The following TSHZ2 variants were observed in gnomAD, a reference collection of about 807,000 sequenced individuals.
TSHZ2 encodes teashirt homolog 2.
In TSHZ2, 21 loss-of-function variants were observed where a neutral mutation model predicts 74.4. The ratio of observed to expected loss-of-function variants is 0.28; its 90% CI spans 0.20 to 0.41. The LOEUF (loss-of-function observed/expected upper bound fraction) is 0.41, where lower values mean the gene tolerates loss of function less well. TSHZ2 is among the 10% of genes least tolerant of loss of function. The probability of loss-of-function intolerance (pLI) is 1.00; values close to 1 mark genes in which losing one functional copy is unlikely to be tolerated. For synonymous variants in TSHZ2, 540 were observed against 515.3 expected (o/e 1.05, Z -0.65); for missense variants, 1,244 against 1,293.5 (o/e 0.96, Z 0.59).
chr20:53,060,167 A>G (rs958300111), intron 1 of TSHZ2, among the ~76,000 whole-genome samples: 1 of 152,166 alleles, frequency 6.6e-6, no homozygotes. Flanking sequence ...TTGATTCTAC[A>G]TTTATACGGC....
intron 1 of TSHZ2, among the ~76,000 whole-genome samples, chr20:53,195,435 G>A (rs544547335): frequency 6.6e-6 from 1 of 152,262 alleles, no homozygotes; most frequent in African/African-American, 2.4e-5. Context: ...GGTAAATAAA[G>A]TGAAGGTTTG....
At chr20:53,367,166 TG>T (rs1164982489) in intron 2 of TSHZ2, among the ~76,000 whole-genome samples, 1 of 151,566 alleles carries the variant, frequency 6.6e-6, no homozygotes, top group Non-Finnish European at 1.5e-5. Flanking sequence ...GAGGCTGAGG[TG>T]AGCGGATCAC....
rs138065028 is a variant in TSHZ2, at chr20:53,090,781, A to G, written c.40+117448A>G. ...TTCATCGAGCCTCTGGTTTGAGGTAATAAGTCACTAATGCTGTGTGTGCAC... is the reference window on the plus strand; with the variant it reads ...TTCATCGAGCCTCTGGTTTGAGGTAGTAAGTCACTAATGCTGTGTGTGCAC... On this transcript the variant is annotated intron_variant, in intron 1 of 2. Coordinates refer to ENST00000371497, the MANE Select transcript of TSHZ2 (RefSeq NM_173485.6). Among the ~76,000 whole-genome samples, 633 of 152,322 alleles carry G rather than the reference A, an allele frequency of 4.2e-3. 3 individuals are homozygous for G. The highest frequency in any genetic ancestry group is 5.3e-3 in the Non-Finnish European group (358 of 68,020).
chr20:53,289,925 A>G (rs560393605), intron 2 of TSHZ2, among the ~76,000 whole-genome samples: 6 of 152,350 alleles, frequency 3.9e-5, no homozygotes, highest in African/African-American at 1.4e-4. Flanking sequence ...CATTTTCTAC[A>G]TTGCTATTAT....
intron 1 of TSHZ2, among the ~76,000 whole-genome samples, chr20:53,181,020 A>T (rs954450273): frequency 3.9e-5 from 6 of 151,946 alleles, no homozygotes; most frequent in Non-Finnish European, 8.8e-5. Flanking sequence ...CCTCCCCTTC[A>T]TTGAGTGTAC....
intron 1 of TSHZ2, among the ~76,000 whole-genome samples, chr20:53,119,783 A>G (rs1464434523): frequency 6.6e-6 from 1 of 152,138 alleles, no homozygotes. Flanking sequence ...TTCACTTTAT[A>G]TTTCCATTGA....
intron 2 of TSHZ2, among the ~76,000 whole-genome samples, chr20:53,433,576 GACACACAGAC>G (rs1308050343): frequency 3.7e-3 from 283 of 76,766 alleles, no homozygotes; most frequent in South Asian, 6.6e-3. Flanking sequence ...CAGACACACA[GACACACAGAC>G]ACACACACAC....
At chr20:53,083,122 A>G (rs906243550) in intron 1 of TSHZ2, among the ~76,000 whole-genome samples, 3 of 152,216 alleles carry the variant, frequency 2.0e-5, no homozygotes, top group Admixed American at 1.3e-4. Context: ...TGTCCCATCT[A>G]AGTCCAAATT....
rs150777156 is a variant in TSHZ2, at chr20:53,186,461, T to C, written c.41-67038T>C. On this transcript the variant is annotated intron_variant, in intron 1 of 2. Transcript: ENST00000371497. ...AAGCTCTGCAAGTCTGTGTCTTTGA[T>C]AAAATACTGCAAGTAATAGTTTGAG... 2.7e-3 allele frequency among the ~76,000 whole-genome samples: 415 copies of C among 152,298 alleles called. 4 individuals are homozygous for C. Among genetic ancestry groups the C allele is most frequent in the Middle Eastern group, 0.01 (3 of 294 alleles).
intron 1 of TSHZ2, among the ~76,000 whole-genome samples, chr20:53,205,247 G>C (rs1166080139): frequency 6.6e-6 from 1 of 152,192 alleles, no homozygotes; most frequent in Non-Finnish European, 1.5e-5. Context: ...GGACAAATCT[G>C]AGGAGAGTTG....
At chr20:53,067,960 A>G (rs939480340) in intron 1 of TSHZ2, among the ~76,000 whole-genome samples, 1 of 152,120 alleles carries the variant, frequency 6.6e-6, no homozygotes, top group African/African-American at 2.4e-5. Flanking sequence ...GTGGCCAGCA[A>G]TCCTTGGCTT....
chr20:53,258,673 A>G (rs982575803), intron 2 of TSHZ2, among the ~76,000 whole-genome samples: 22 of 152,236 alleles, frequency 1.4e-4, no homozygotes, highest in African/African-American at 4.8e-4. Context: ...AAAAACATAT[A>G]CAAAAGGTAC....
intron 1 of TSHZ2, among the ~76,000 whole-genome samples, chr20:53,120,181 A>C (rs933723507): frequency 6.6e-6 from 1 of 152,220 alleles, no homozygotes; most frequent in Non-Finnish European, 1.5e-5. Flanking sequence ...AATGAGCATG[A>C]ATATGAATCC....
At chr20:52,987,810 C>A (rs142771465) in intron 1 of TSHZ2, among the ~76,000 whole-genome samples, 2 of 152,216 alleles carry the variant, frequency 1.3e-5, no homozygotes, top group East Asian at 3.9e-4. Flanking sequence ...TGCTTGGGAG[C>A]CAGCTGGCAA....
At chr20:53,056,155 C>A (rs540509471) in intron 1 of TSHZ2, among the ~76,000 whole-genome samples, 4 of 152,150 alleles carry the variant, frequency 2.6e-5, no homozygotes, top group African/African-American at 9.7e-5. Context: ...ATTTTGGTTG[C>A]GTGAACTTAA....
intron 1 of TSHZ2, among the ~76,000 whole-genome samples, chr20:53,079,397 G>C (rs575624635): frequency 2.0e-5 from 3 of 152,212 alleles, no homozygotes; most frequent in Non-Finnish European, 4.4e-5. Context: ...AGTGGTTAAC[G>C]TAGACAGTGA....
chr20:53,325,095 G>C (rs1350248405), intron 2 of TSHZ2, among the ~76,000 whole-genome samples: 1 of 152,194 alleles, frequency 6.6e-6, no homozygotes, highest in Non-Finnish European at 1.5e-5. Context: ...ACTGTCTTAC[G>C]AACACAGGGA....
At chr20:53,058,400 C>T (rs1984712876) in intron 1 of TSHZ2, among the ~76,000 whole-genome samples, 1 of 152,212 alleles carries the variant, frequency 6.6e-6, no homozygotes, top group Non-Finnish European at 1.5e-5. Flanking sequence ...AACTAATTCA[C>T]CTGAAGTCAC....
At chr20:53,444,747 A>G (rs1235988467) in intron 2 of TSHZ2, among the ~76,000 whole-genome samples, 1 of 152,178 alleles carries the variant, frequency 6.6e-6, no homozygotes, top group African/African-American at 2.4e-5. Flanking sequence ...GTAAATCACA[A>G]ACCTCCCAGG....
Sources: allele counts gnomAD v4.1 joint callset (sites outside exome capture counted in the v4.1 genomes callset), GRCh38; gene constraint gnomAD v4.1.1; transcripts MANE v1.5; gene names NCBI Gene and HGNC (gene_info 2026-07-23, HGNC 2026-07-21).